The following CEP120 variants were observed in gnomAD, a reference collection of about 807,000 sequenced individuals.
CEP120 encodes centrosomal protein 120, also known as centrosomal protein of 120 kDa.
A neutral mutation model predicts 126.5 loss-of-function variants in CEP120; 113 were observed. The observed-to-expected ratio is 0.89, with a 90% CI of 0.77 to 1.04. The LOEUF (loss-of-function observed/expected upper bound fraction) is 1.04. Among genes scored for constraint, CEP120 ranks in the 50% least tolerant of loss-of-function variants. CEP120 has a pLI of 0.00. For missense variants in CEP120, 1,230 were observed against 1,155.7 expected (o/e 1.06, Z -0.93); for synonymous variants, 400 against 394.3 (o/e 1.01, Z -0.17).
At chr5:123,360,854 T>C (rs551652339) in intron 18 of CEP120, among the ~76,000 whole-genome samples, 1 of 151,806 alleles carries the variant, frequency 6.6e-6, no homozygotes, top group Admixed American at 6.6e-5. Flanking sequence ...AGTCAGGAAT[T>C]TGGGGGATTC....
chr5:123,382,956 A>G (rs1414499632), intron 12 of CEP120, 30 bp downstream of exon 12: 3 of 1,598,092 alleles, frequency 1.9e-6, no homozygotes, highest in Non-Finnish European at 2.6e-6. Flanking sequence ...TCCTTTTAAA[A>G]AAAATTTGAT....
At chr5:123,381,109 T>TC (rs1430516091) in intron 14 of CEP120, among the ~76,000 whole-genome samples, 1 of 152,144 alleles carries the variant, frequency 6.6e-6, no homozygotes, top group Non-Finnish European at 1.5e-5. Flanking sequence ...CAAATGGCCC[T>TC]CCTTTATAAA....
At position 123,379,214 on chromosome 5, in the gene CEP120, G is replaced by A. The variant is rs555986494; in HGVS notation, c.2104-786C>T. ...TGAGCAGCCGTGAGGACGTCTTAGC[G>A]CTTGAGGTCCTAAACCTCCTTAAAA... On this transcript the variant is annotated intron_variant, in intron 14 of 19. Transcript: ENST00000306467. Among the ~76,000 whole-genome samples, 434 of 152,054 alleles carry A rather than the reference G, an allele frequency of 2.9e-3. 4 individuals are homozygous for A. The highest frequency in any genetic ancestry group is 1.0e-2 in the African/African-American group (415 of 41,502).
intron 4 of CEP120, among the ~76,000 whole-genome samples, chr5:123,405,693 AG>A (rs1438788228): frequency 6.6e-6 from 1 of 152,126 alleles, no homozygotes; most frequent in African/African-American, 2.4e-5. Context: ...CCTAACCATA[AG>A]GCTATAGAAT....
intron 17 of CEP120, among the ~76,000 whole-genome samples, chr5:123,372,077 C>T (rs1051496388): frequency 1.3e-5 from 2 of 152,052 alleles, no homozygotes; most frequent in Non-Finnish European, 2.9e-5. Context: ...TGGCTTCCAA[C>T]CACAGAAAAC....
At chr5:123,399,440 A>G (rs957845292) in intron 4 of CEP120, among the ~76,000 whole-genome samples, 156 bp from the exon 5 acceptor site, 4 of 152,254 alleles carry the variant, frequency 2.6e-5, no homozygotes, top group Non-Finnish European at 5.9e-5. Context: ...ATACTCACCA[A>G]AGAAACCTTA....
intron 18 of CEP120, among the ~76,000 whole-genome samples, chr5:123,360,420 T>G (rs1018168604): frequency 1.3e-5 from 2 of 151,880 alleles, no homozygotes; most frequent in Non-Finnish European, 2.9e-5. Flanking sequence ...GTGTTTACAG[T>G]GTTGCCTCTA....
chr5:123,383,453 C>T (rs1266637636), intron 11 of CEP120, among the ~76,000 whole-genome samples: 1 of 152,080 alleles, frequency 6.6e-6, no homozygotes. Flanking sequence ...TGACTTCATA[C>T]AGTTTTGTCT....
At position 123,382,974 on chromosome 5, in the gene CEP120, A is replaced by G. The variant is rs746000597; in HGVS notation, c.1860+12T>C. 2.5e-6 allele frequency: 4 copies of G among 1,596,716 alleles called. No individual in the cohort carries two copies. Among genetic ancestry groups the G allele is most frequent in the Non-Finnish European group, 3.4e-6 (4 of 1,169,994 alleles). On this transcript the variant is annotated intron_variant, in intron 12 of 19. Coordinates refer to ENST00000306467, the MANE Select transcript of CEP120 (RefSeq NM_001375405.1). ...TTTTAAAAAAAATTTGATAACATTC[A>G]ATTATATTTACCTGAGATGAATCAG... is the stretch of plus-strand genomic sequence containing the variant.
chr5:123,412,658 T>A (rs1355082386), intron 3 of CEP120, 118 bp from the exon 4 acceptor site: 1 of 671,358 alleles, frequency 1.5e-6, no homozygotes, highest in Admixed American at 4.2e-5. Context: ...ATAAACAATT[T>A]TTTTTTCACA....
chr5:123,375,213 A>G (rs1291469369), intron 16 of CEP120, among the ~76,000 whole-genome samples: 4 of 152,120 alleles, frequency 2.6e-5, no homozygotes, highest in Non-Finnish European at 5.9e-5. Context: ...ACAGTGCTTC[A>G]AGAATACAAG....
intron 18 of CEP120, among the ~76,000 whole-genome samples, chr5:123,359,793 A>C (rs2126991200): frequency 6.6e-6 from 1 of 152,140 alleles, no homozygotes; most frequent in Admixed American, 6.6e-5. Context: ...AATAATTAGA[A>C]GGTTATAAAA....
At chr5:123,367,167 G>T (rs1017851379) in intron 17 of CEP120, among the ~76,000 whole-genome samples, 2 of 151,776 alleles carry the variant, frequency 1.3e-5, no homozygotes, top group African/African-American at 4.8e-5. Flanking sequence ...GTCTCAAAGG[G>T]ATAATGTACT....
intron 4 of CEP120, among the ~76,000 whole-genome samples, chr5:123,410,231 C>T (rs1446985139): frequency 6.6e-6 from 1 of 152,110 alleles, no homozygotes; most frequent in Non-Finnish European, 1.5e-5. Flanking sequence ...AGTGCATGTT[C>T]ACAGAAGACT....
chr5:123,352,028 T>A (rs1206662480), intron 18 of CEP120, among the ~76,000 whole-genome samples: 1 of 152,136 alleles, frequency 6.6e-6, no homozygotes, highest in African/African-American at 2.4e-5. Context: ...CTCATTGTGA[T>A]TTTATTTTGC....
At chr5:123,420,966 G>C (rs74616646) in intron 1 of CEP120, among the ~76,000 whole-genome samples, 3,662 of 152,248 alleles carry the variant, frequency 0.024, 61 homozygotes, top group Middle Eastern at 0.048. Context: ...AATACAGTAC[G>C]AACAAGAGAG....
Position 123,386,673 on chromosome 5 carries a change from ATT to A in CEP120, c.1431-8_1431-7del, listed in dbSNP as rs34328840. ...CAAAGAATGGATATGAGTACCTAGA[ATT>A]TAAAAAAAAAAAAAAAAAAAAAAGC... On this transcript the variant is annotated splice_polypyrimidine_tract_variant and splice_region_variant and intron_variant, in intron 9 of 19. Coordinates refer to ENST00000306467, the MANE Select transcript of CEP120 (RefSeq NM_001375405.1). 8.1e-6 allele frequency: 6 copies of A among 737,286 alleles called. No homozygotes were observed. Among genetic ancestry groups the A allele is most frequent in the Middle Eastern group, 3.3e-4 (1 of 3,018 alleles). The allele number at this position is 737,286 out of a possible 1,614,324, so 45.7% of individuals were successfully genotyped here. A position where few individuals can be genotyped will look rare whatever the true frequency, so the allele number is the denominator to read the frequency against.
chr5:123,360,733 G>C (rs1357666296), intron 18 of CEP120, among the ~76,000 whole-genome samples: 3 of 151,814 alleles, frequency 2.0e-5, no homozygotes, highest in African/African-American at 7.2e-5. Flanking sequence ...GATAAGAAAA[G>C]TGTATGAGGA....
rs1410436154 is a variant in CEP120, at chr5:123,388,534, T to C, written c.1328A>G (p.Gln443Arg). The C allele has an allele frequency of 6.2e-7, 1 of 1,611,792 alleles. No individual in the cohort carries two copies. The highest frequency in any genetic ancestry group is 8.5e-7 in the Non-Finnish European group (1 of 1,179,236). Residue 443 changes from glutamine (Q) to arginine (R), a missense_variant, in exon 9 of 20, where the codon CAG becomes CGG. Coordinates refer to ENST00000306467, the MANE Select transcript of CEP120 (RefSeq NM_001375405.1). ...TSNASEVASG[Q>R]KIAVPATSHH... ...TGATGTTGCTGGTACAGCAATCTTC[T>C]GTCCTGAAGCTACTTCTGAAGCATT... is the stretch of plus-strand genomic sequence containing the variant.
Sources: allele counts gnomAD v4.1 joint callset (sites outside exome capture counted in the v4.1 genomes callset), GRCh38; gene constraint gnomAD v4.1.1; transcripts MANE v1.5; gene names NCBI Gene and HGNC (gene_info 2026-07-23, HGNC 2026-07-21).